NME7: variants seen among roughly 807,000 people sequenced by gnomAD.
NME7 encodes the protein nucleoside diphosphate kinase 7.
NME7 carries 41 observed loss-of-function variants against 49.1 expected under a neutral mutation model. The ratio of observed to expected loss-of-function variants is 0.83; its 90% confidence interval spans 0.65 to 1.08. The LOEUF is 1.08. NME7 is among the 50% of genes least tolerant of loss of function. The pLI, the probability that NME7 is intolerant of heterozygous loss-of-function variation, is 0.00. For missense variants in NME7, 423 were observed against 463.4 expected, an observed-to-expected ratio of 0.91 and a Z score of 0.80; for synonymous variants, 139 against 150.6, an observed-to-expected ratio of 0.92 and a Z score of 0.56.
chr1:169,362,341 A>G (rs896174537), intron 1 of NME7, among the ~76,000 whole-genome samples: 51 of 152,258 alleles, frequency 3.3e-4, no homozygotes, highest in African/African-American at 1.2e-3. Context: ...TGGAGTAATG[A>G]TATTCTAATA....
At position 169,342,535 on chromosome 1, in the gene NME7, C is replaced by CAT. The variant is rs1406777794; in HGVS notation, c.4-18037_4-18036dup. ...TATATATAGTATATATATACAAGTA[C>CAT]ATATATATAGTATATATATATATAC... On this transcript the variant is annotated intron_variant, in intron 1 of 11. Transcript: ENST00000367811. Among the ~76,000 whole-genome samples, 7 of 114,410 alleles carry CAT rather than the reference C, an allele frequency of 6.1e-5. No individual in the cohort carries two copies. The East Asian group carries it at 7.6e-4, about 12-fold the overall frequency. 75.1% of individuals were successfully genotyped at this position (114,410 alleles called of 152,430 possible).
chr1:169,253,442 T>C (rs1245385377), intron 7 of NME7, among the ~76,000 whole-genome samples: 5 of 151,954 alleles, frequency 3.3e-5, no homozygotes, highest in African/African-American at 1.2e-4. Context: ...AAGTTGCTTA[T>C]CAGCTTAAGG....
At chr1:169,239,022 TTA>T (rs1647976530) in intron 7 of NME7, among the ~76,000 whole-genome samples, 1 of 152,030 alleles carries the variant, frequency 6.6e-6, no homozygotes, top group Non-Finnish European at 1.5e-5. Flanking sequence ...TTAAAATAAT[TTA>T]TGTCAACACT....
chr1:169,168,504 A>T (rs1041948214), intron 11 of NME7, among the ~76,000 whole-genome samples: 1 of 152,272 alleles, frequency 6.6e-6, no homozygotes, highest in Middle Eastern at 3.4e-3. Flanking sequence ...CAATCATAGC[A>T]TACTGTGGCC....
At chr1:169,311,488 A>G (rs1388005584) in intron 3 of NME7, among the ~76,000 whole-genome samples, 1 of 151,964 alleles carries the variant, frequency 6.6e-6, no homozygotes, top group Non-Finnish European at 1.5e-5. Context: ...GAGTTTTAAA[A>G]CTGTAATAAC....
At chr1:169,310,148 G>A in intron 3 of NME7, 68 bp from the exon 4 acceptor site, 2 of 948,542 alleles carry the variant, frequency 2.1e-6, no homozygotes, top group South Asian at 2.9e-5. Context: ...TAATTCCCAA[G>A]CAGCAGTATT....
intron 1 of NME7, among the ~76,000 whole-genome samples, chr1:169,337,683 A>G (rs1426577897): frequency 7.2e-5 from 11 of 152,246 alleles, no homozygotes. Flanking sequence ...ACAGTAGGCA[A>G]ACAAGCATAG....
At chr1:169,251,249 T>G (rs186999676) in intron 7 of NME7, among the ~76,000 whole-genome samples, 1 of 152,118 alleles carries the variant, frequency 6.6e-6, no homozygotes, top group African/African-American at 2.4e-5. Flanking sequence ...CTTTTTTTAC[T>G]GTTGTTGCTT....
chr1:169,315,877 A>G (rs1379723993), intron 3 of NME7, among the ~76,000 whole-genome samples: 1 of 152,100 alleles, frequency 6.6e-6, no homozygotes, highest in Non-Finnish European at 1.5e-5. Context: ...TATACCCTTA[A>G]TTGCATATAT....
At chr1:169,313,289 T>C (rs1019971013) in intron 3 of NME7, among the ~76,000 whole-genome samples, 1 of 149,722 alleles carries the variant, frequency 6.7e-6, no homozygotes, top group African/African-American at 2.5e-5. Flanking sequence ...ATCTGGAAAA[T>C]CTGAACTTTG....
At chr1:169,134,107 C>T (rs1251422632) in intron 11 of NME7, among the ~76,000 whole-genome samples, 1 of 152,142 alleles carries the variant, frequency 6.6e-6, no homozygotes, top group East Asian at 1.9e-4. Flanking sequence ...TGTTATATCA[C>T]CACTAGGAGA....
At chr1:169,314,399 T>A (rs1253038306) in intron 3 of NME7, among the ~76,000 whole-genome samples, 1 of 152,122 alleles carries the variant, frequency 6.6e-6, no homozygotes, top group African/African-American at 2.4e-5. Flanking sequence ...TTTATCAAGT[T>A]AAGTACATAT....
intron 3 of NME7, among the ~76,000 whole-genome samples, chr1:169,316,833 T>C (rs1469012094): frequency 3.9e-5 from 6 of 152,144 alleles, no homozygotes; most frequent in Non-Finnish European, 5.9e-5. Flanking sequence ...TGATGAGATC[T>C]GATTGGACTT....
At chr1:169,155,933 A>G (rs982436540) in intron 11 of NME7, among the ~76,000 whole-genome samples, 4 of 151,844 alleles carry the variant, frequency 2.6e-5, no homozygotes, top group African/African-American at 9.7e-5. Context: ...CATCAGCACT[A>G]ACTGGGAACT....
Position 169,274,770 on chromosome 1 carries a change from T to C in NME7, c.754+12533A>G, listed in dbSNP as rs1194962268. Among the ~76,000 whole-genome samples the C allele has an allele frequency of 4.5e-5, 6 of 133,530 alleles. 3 individuals carry two copies. Among genetic ancestry groups the C allele is most frequent in the Non-Finnish European group, 1.1e-4 (6 of 56,944 alleles). 87.6% of individuals were successfully genotyped at this position (133,530 alleles called of 152,430 possible). A position where few individuals can be genotyped will look rare whatever the true frequency, so the allele number is the denominator to read the frequency against. On this transcript the variant is annotated intron_variant, in intron 7 of 11. Transcript: ENST00000367811. ...TTTCTCAGGTTTGTCAAAGATCAGA[T>C]AGTTGTAGATATGTGGCATTATTTC...
intron 10 of NME7, among the ~76,000 whole-genome samples, chr1:169,194,292 G>T (rs1660312037): frequency 2.0e-5 from 3 of 152,160 alleles, no homozygotes; most frequent in Non-Finnish European, 4.4e-5. Context: ...ACATAGTTCT[G>T]TTTAAATAAT....
intron 7 of NME7, among the ~76,000 whole-genome samples, chr1:169,271,593 T>C (rs562300521): frequency 7.5e-6 from 1 of 133,078 alleles, no homozygotes; most frequent in African/African-American, 2.5e-5. Context: ...CTACTAAGGC[T>C]CTATCAAGGT....
intron 10 of NME7, among the ~76,000 whole-genome samples, chr1:169,189,186 G>C (rs551874805): frequency 6.6e-6 from 1 of 152,048 alleles, no homozygotes; most frequent in Non-Finnish European, 1.5e-5. Flanking sequence ...ATAAATAAAT[G>C]AACACAACAA....
chr1:169,275,304 C>T (rs1456681177), intron 7 of NME7, among the ~76,000 whole-genome samples: 3 of 127,832 alleles, frequency 2.3e-5, no homozygotes, highest in South Asian at 2.4e-4. Flanking sequence ...GGTGAAACCC[C>T]GTCTCTACTA....
Sources: allele counts gnomAD v4.1 joint callset (sites outside exome capture counted in the v4.1 genomes callset), GRCh38; gene constraint gnomAD v4.1.1; transcripts MANE v1.5; gene names NCBI Gene and HGNC (gene_info 2026-07-23, HGNC 2026-07-21).